Variants in DHX40 observed in about 807,000 individuals in gnomAD.
DHX40 encodes probable ATP-dependent RNA helicase DHX40.
DHX40 carries 28 observed loss-of-function variants against 89.6 expected under a neutral mutation model. The observed-to-expected ratio is 0.31, with a 90% CI of 0.23 to 0.43. DHX40 has a LOEUF of 0.43. Among genes scored for constraint, DHX40 ranks in the 20% least tolerant of loss-of-function variants. The probability of loss-of-function intolerance (pLI) is 1.00; values close to 1 mark genes in which losing one functional copy is unlikely to be tolerated. For synonymous variants in DHX40, 226 were observed against 283.6 expected, an observed-to-expected ratio of 0.80 and a Z score of 2.04; for missense variants, 457 against 844.0, an observed-to-expected ratio of 0.54 and a Z score of 5.68.
At chr17:59,574,463 A>ATAATAG (rs2048852674) in intron 6 of DHX40, among the ~76,000 whole-genome samples, 1 of 151,580 alleles carries the variant, frequency 6.6e-6, no homozygotes, top group South Asian at 2.1e-4. Flanking sequence ...TGTCAAAGAC[A>ATAATAG]TATGTTTATG....
chr17:59,598,234 A>C (rs1210315528), intron 12 of DHX40, among the ~76,000 whole-genome samples: 1 of 152,090 alleles, frequency 6.6e-6, no homozygotes, highest in African/African-American at 2.4e-5. Flanking sequence ...TAAATAAACA[A>C]ATTTTCAGAT....
At chr17:59,576,068 T>A (rs1351837599) in intron 7 of DHX40, among the ~76,000 whole-genome samples, 2 of 149,408 alleles carry the variant, frequency 1.3e-5, no homozygotes, top group African/African-American at 4.9e-5. Flanking sequence ...TTTTGTATTT[T>A]TTTTTTTTTT....
intron 2 of DHX40, among the ~76,000 whole-genome samples, chr17:59,568,855 AATATAG>A (rs1339092926): frequency 1.4e-5 from 2 of 144,078 alleles, no homozygotes; most frequent in Non-Finnish European, 3.0e-5. Context: ...TATATATATA[AATATAG>A]ATATATATAT....
At chr17:59,598,532 C>G (rs1189100085) in intron 12 of DHX40, among the ~76,000 whole-genome samples, 1 of 151,736 alleles carries the variant, frequency 6.6e-6, no homozygotes, top group Admixed American at 6.6e-5. Context: ...TGTTGCTATT[C>G]AGGTAAAATC....
chr17:59,592,616 C>T (rs928226422), intron 12 of DHX40, among the ~76,000 whole-genome samples: 4 of 147,798 alleles, frequency 2.7e-5, no homozygotes, highest in African/African-American at 1.0e-4. Flanking sequence ...CTTGCTCTGT[C>T]ATCCAGGGTG....
intron 12 of DHX40, among the ~76,000 whole-genome samples, chr17:59,591,391 G>C (rs1037974937): frequency 4.8e-4 from 73 of 151,668 alleles, no homozygotes; most frequent in African/African-American, 1.6e-3. Flanking sequence ...TAAGAGTGCA[G>C]GGTTCTGTCC....
intron 11 of DHX40, among the ~76,000 whole-genome samples, chr17:59,586,448 G>T (rs1053814179): frequency 2.0e-5 from 3 of 151,688 alleles, no homozygotes; most frequent in African/African-American, 7.3e-5. Flanking sequence ...GGATCATGAG[G>T]TCAGGAGATC....
intron 3 of DHX40, among the ~76,000 whole-genome samples, chr17:59,571,263 G>C (rs2048803555): frequency 6.6e-6 from 1 of 151,998 alleles, no homozygotes; most frequent in African/African-American, 2.4e-5. Flanking sequence ...TTCGAGACCA[G>C]CCTGACCAAC....
At chr17:59,597,966 A>T (rs1411170212) in intron 12 of DHX40, among the ~76,000 whole-genome samples, 2 of 148,382 alleles carry the variant, frequency 1.3e-5, no homozygotes, top group Non-Finnish European at 3.0e-5. Context: ...TCCTGGGCTC[A>T]AGCGATCTTC....
Position 59,588,056 on chromosome 17 carries a change from A to G in DHX40, c.1582+3A>G. 6.2e-7 allele frequency: 1 copy of G among 1,612,228 alleles called. No homozygotes were observed. Among genetic ancestry groups the G allele is most frequent in the East Asian group, 2.2e-5 (1 of 44,828 alleles). ...GGAAAACGTCTTCATTAGACCTGGTAAGATGTTTATTTTAAGTTGTGTTTT... is the reference window on the plus strand; with the variant it reads ...GGAAAACGTCTTCATTAGACCTGGTGAGATGTTTATTTTAAGTTGTGTTTT... On this transcript the variant is annotated splice_donor_region_variant and intron_variant, in intron 12 of 17. Coordinates refer to ENST00000251241, the MANE Select transcript of DHX40 (RefSeq NM_024612.5).
chr17:59,596,132 A>G (rs1480161709), intron 12 of DHX40, among the ~76,000 whole-genome samples: 1 of 152,120 alleles, frequency 6.6e-6, no homozygotes, highest in Non-Finnish European at 1.5e-5. Context: ...TCCAGGAGGC[A>G]CTGACTCACA....
chr17:59,604,375 A>C (rs1165746301), intron 15 of DHX40: 1 of 152,168 alleles, frequency 6.6e-6, no homozygotes, highest in East Asian at 1.9e-4. Context: ...TATGCCAAAC[A>C]CTGGGCAGGT....
chr17:59,588,701 A>T (rs1348713573), intron 12 of DHX40, among the ~76,000 whole-genome samples: 1 of 152,104 alleles, frequency 6.6e-6, no homozygotes, highest in Non-Finnish European at 1.5e-5. Flanking sequence ...GATCTTTTGT[A>T]AATATTTTCT....
intron 4 of DHX40, 43 bp from the exon 5 acceptor site, chr17:59,573,697 T>C: frequency 6.3e-7 from 1 of 1,597,262 alleles, no homozygotes. Flanking sequence ...AGTTTGGCTG[T>C]TAAGTGTACT....
chr17:59,576,867 GTTT>G (rs751587416), intron 7 of DHX40, among the ~76,000 whole-genome samples: 1 of 142,352 alleles, frequency 7.0e-6, no homozygotes. Context: ...TCTTGCCTCT[GTTT>G]TTTTTTTTTT....
At chr17:59,603,114 ACT>A (rs1373588325) in intron 15 of DHX40, among the ~76,000 whole-genome samples, 2 of 152,068 alleles carry the variant, frequency 1.3e-5, no homozygotes, top group African/African-American at 4.8e-5. Context: ...TGAACACATA[ACT>A]CTGTGAGTGA....
chr17:59,565,626 C>T lies in DHX40; in HGVS notation c.-46C>T, dbSNP rs372652600. 1.9e-6 allele frequency: 3 copies of T among 1,542,424 alleles called. No homozygotes were observed. Among genetic ancestry groups the T allele is most frequent in the Non-Finnish European group, 2.6e-6 (3 of 1,140,722 alleles). ...CGCGTCCTCGTCTTTCCCCTCCCAT[C>T]TCCTCAGATCGGTGGACGTGCTCGC... On this transcript the variant is annotated 5_prime_UTR_variant, in exon 1 of 18. Coordinates refer to ENST00000251241, the MANE Select transcript of DHX40 (RefSeq NM_024612.5).
intron 8 of DHX40, among the ~76,000 whole-genome samples, chr17:59,578,481 ATGT>A (rs2048914477): frequency 1.8e-5 from 1 of 54,512 alleles, no homozygotes; most frequent in Non-Finnish European, 2.8e-5. Flanking sequence ...TTAGAATGGC[ATGT>A]TAAGGGCTAG....
Position 59,589,334 on chromosome 17 carries a change from G to A in DHX40, c.1582+1281G>A, listed in dbSNP as rs1381795259. On this transcript the variant is annotated intron_variant, in intron 12 of 17. Coordinates refer to ENST00000251241, the MANE Select transcript of DHX40 (RefSeq NM_024612.5). ...CCTCCCAGATTCGTGCCGTTCTCTC[G>A]CCTCAGCCTCCCGAGTAGCTGGGAC... 2.8e-5 allele frequency among the ~76,000 whole-genome samples: 4 copies of A among 144,208 alleles called. No individual in the cohort carries two copies. The East Asian group carries it at 8.5e-4, about 31-fold the overall frequency. 94.6% of individuals were successfully genotyped at this position (144,208 alleles called of 152,430 possible).
Sources: gnomAD v4.1 joint callset for allele counts (sites outside exome capture counted in the v4.1 genomes callset) on GRCh38, gnomAD v4.1.1 for gene constraint, MANE v1.5 for transcripts, NCBI Gene and HGNC (gene_info 2026-07-23, HGNC 2026-07-21) for gene names.